LCA5L: variants seen among roughly 807,000 people sequenced by gnomAD.
LCA5L encodes the protein lebercilin-like protein.
Under a neutral mutation model 45.4 loss-of-function variants are expected in LCA5L, and 35 were observed. That is an observed-to-expected ratio of 0.77 (90% CI 0.59 to 1.02). The LOEUF (loss-of-function observed/expected upper bound fraction) is 1.02. LCA5L is among the 50% of genes least tolerant of loss of function. The probability of loss-of-function intolerance (pLI) is 0.00; values close to 1 mark genes in which losing one functional copy is unlikely to be tolerated. For missense variants in LCA5L, 668 were observed against 761.6 expected, an observed-to-expected ratio of 0.88 and a Z score of 1.45; for synonymous variants, 233 against 264.7, an observed-to-expected ratio of 0.88 and a Z score of 1.16.
At chr21:39,427,519 G>A (rs2074948662) in intron 5 of LCA5L, among the ~76,000 whole-genome samples, 3 of 151,970 alleles carry the variant, frequency 2.0e-5, no homozygotes, top group Non-Finnish European at 2.9e-5. Context: ...AAAATTAGCC[G>A]GGCGTGGTGG....
At chr21:39,417,774 A>ATTTTTTTTTTTTT (rs960729340) in intron 7 of LCA5L, among the ~76,000 whole-genome samples, 1 of 150,644 alleles carries the variant, frequency 6.6e-6, no homozygotes, top group South Asian at 2.1e-4. Flanking sequence ...TTAATTTTTA[A>ATTTTTTTTTTTTT]TTTTTTTTTG....
At chr21:39,435,176 C>G (rs1212662733) in intron 3 of LCA5L, among the ~76,000 whole-genome samples, 3 of 152,158 alleles carry the variant, frequency 2.0e-5, no homozygotes, top group Non-Finnish European at 4.4e-5. Context: ...TGGAAAAAAT[C>G]TGATCTGGTT....
At chr21:39,412,958 G>C (rs977235722) in intron 7 of LCA5L, among the ~76,000 whole-genome samples, 20 of 152,226 alleles carry the variant, frequency 1.3e-4, no homozygotes, top group Non-Finnish European at 1.5e-4. Context: ...TAAGGTTACA[G>C]ATCCAGGTGC....
At chr21:39,437,923 G>A (rs1320065533) in intron 2 of LCA5L, among the ~76,000 whole-genome samples, 1 of 151,990 alleles carries the variant, frequency 6.6e-6, no homozygotes, top group Non-Finnish European at 1.5e-5. Flanking sequence ...ATATCAAAAG[G>A]ACACAGATTA....
rs1464601997 is a variant in LCA5L at position 39,414,732 on chromosome 21, C to CTGTG, written c.976-2931_976-2930insCACA. Reference sequence around the variant, plus strand: ...TCTCTCCCTCTCTCTCTCTCTCTCTCTCTCTCTCTCTGTGTGTGTGTGTGT... The same window carrying CTGTG: ...TCTCTCCCTCTCTCTCTCTCTCTCTCTGTGTCTCTCTCTCTGTGTGTGTGTGTGT... On this transcript the variant is annotated intron_variant, in intron 7 of 10. Transcript: ENST00000288350. Among the ~76,000 whole-genome samples, 13 of 110,392 alleles carry CTGTG rather than the reference C, an allele frequency of 1.2e-4. 1 individual carries two copies. The highest frequency in any genetic ancestry group is 2.0e-4 in the African/African-American group (5 of 25,494). 72.4% of individuals were successfully genotyped at this position (110,392 alleles called of 152,430 possible).
chr21:39,407,115 T>A (rs777937935), intron 10 of LCA5L, among the ~76,000 whole-genome samples: 1 of 152,100 alleles, frequency 6.6e-6, no homozygotes, highest in Non-Finnish European at 1.5e-5. Context: ...TAGTCTTGGC[T>A]ACTCAGGAGG....
chr21:39,420,165 T>C (rs996115594), intron 7 of LCA5L, among the ~76,000 whole-genome samples: 3 of 152,174 alleles, frequency 2.0e-5, no homozygotes, highest in Non-Finnish European at 2.9e-5. Flanking sequence ...ATTCTAATAA[T>C]TGCAGATCCT....
At chr21:39,427,081 G>C (rs1367722807) in intron 5 of LCA5L, among the ~76,000 whole-genome samples, 1 of 152,226 alleles carries the variant, frequency 6.6e-6, no homozygotes, top group East Asian at 1.9e-4. Context: ...GACACAGCTG[G>C]TAACAGCAGA....
chr21:39,436,670 G>T (rs903487436), intron 2 of LCA5L, among the ~76,000 whole-genome samples: 9 of 151,998 alleles, frequency 5.9e-5, no homozygotes, highest in Admixed American at 5.9e-4. Context: ...TTGCAGAGAC[G>T]GGATTTTACT....
chr21:39,424,106 G>A (rs555110130), intron 5 of LCA5L, among the ~76,000 whole-genome samples: 7 of 152,064 alleles, frequency 4.6e-5, no homozygotes, highest in South Asian at 2.1e-4. Context: ...TCTGCATCCC[G>A]GGTTCAAGCG....
chr21:39,411,497 G>A (rs1320462760), intron 8 of LCA5L, among the ~76,000 whole-genome samples: 1 of 152,158 alleles, frequency 6.6e-6, no homozygotes, highest in Admixed American at 6.6e-5. Context: ...CTGAAGAAAG[G>A]ACATAAAGGG....
Position 39,406,075 on chromosome 21 carries a change from T to C in LCA5L, c.1820A>G (p.Tyr607Cys). The change falls in exon 11 of 11, where the codon TAT becomes TGT. Residue 607 changes from tyrosine to cysteine, a missense_variant. Physicochemically the swap from Tyr to Cys is radical, Grantham distance 194 (BLOSUM62 -2). Transcript: ENST00000288350. ...ACTTGATTGGTCAGTTTTCAAGACA[T>C]AGCCTGATCCAAAGAGTTCTTCCAT... ...SLMEELFGSG[Y>C]VLKTDQSSPG... The C allele has an allele frequency of 1.2e-6, 2 of 1,614,188 alleles. No homozygotes were observed. The highest frequency in any genetic ancestry group is 1.7e-6 in the Non-Finnish European group (2 of 1,180,024).
At position 39,443,242 on chromosome 21, in the gene LCA5L, A is replaced by T. The variant is rs574938178; in HGVS notation, c.-246+893T>A. Among the ~76,000 whole-genome samples, 68 of 152,310 alleles carry T rather than the reference A, an allele frequency of 4.5e-4. No individual in the cohort carries two copies. The Middle Eastern group carries it at 0.024, about 53-fold the overall frequency. The stretch of plus-strand genomic sequence containing the variant: ...GTTTGCCTGTCGAAAGGGATAAGGG[A>T]TTGGACAATAACTGGAAACTGAAGG... On this transcript the variant is annotated intron_variant, in intron 2 of 10. Transcript: ENST00000288350.
intron 1 of LCA5L, 82 bp downstream of exon 1, chr21:39,445,643 A>T (rs1014722347): frequency 6.6e-6 from 1 of 152,630 alleles, no homozygotes; most frequent in Non-Finnish European, 1.5e-5. Context: ...AGAGCGTAGC[A>T]GGAGGGTCCG....
intron 5 of LCA5L, chr21:39,427,838 T>G (rs543452086): frequency 5.9e-6 from 1 of 168,966 alleles, no homozygotes; most frequent in South Asian, 1.8e-4. Context: ...ATTCTTCAGC[T>G]GAGATGAAAG....
In LCA5L at chr21:39,432,494, ATTCT is replaced by A. The variant is rs145176207; in HGVS notation, c.-92+2922_-92+2925del. Among the ~76,000 whole-genome samples, 434 of 152,330 alleles carry A rather than the reference ATTCT, an allele frequency of 2.8e-3. 4 individuals are homozygous for A. The highest frequency in any genetic ancestry group is 9.8e-3 in the African/African-American group (409 of 41,576). On this transcript the variant is annotated intron_variant, in intron 3 of 10. Coordinates refer to ENST00000288350, the MANE Select transcript of LCA5L (RefSeq NM_152505.4). Reference sequence around the variant, plus strand: ...CTGATTCCTAAGCCTTTGGGATACAATTCTTTATTTTTAACCCTCTTTTATTGAG... The same window carrying A: ...CTGATTCCTAAGCCTTTGGGATACAATTATTTTTAACCCTCTTTTATTGAG...
chr21:39,418,055 C>CATGCCTGGCCAGAAATGGTTTTTTAATG (rs1569086130), intron 7 of LCA5L, among the ~76,000 whole-genome samples: 3 of 152,304 alleles, frequency 2.0e-5, no homozygotes, highest in East Asian at 3.9e-4. Context: ...CGTGAGCCAC[C>CATGCCTGGCCAGAAATGGTTTTTTAATG]GCGCCCAGCG....
intron 6 of LCA5L, chr21:39,422,649 C>T: frequency 2.4e-6 from 1 of 408,958 alleles, no homozygotes. Context: ...TAACACAATG[C>T]AATCTTTTCA....
At chr21:39,415,591 C>A (rs2040989137) in intron 7 of LCA5L, among the ~76,000 whole-genome samples, 1 of 152,174 alleles carries the variant, frequency 6.6e-6, no homozygotes, top group South Asian at 2.1e-4. Flanking sequence ...CATTCCACTT[C>A]CCCCAATCAA....
Sources: gnomAD v4.1 joint callset for allele counts (sites outside exome capture counted in the v4.1 genomes callset) on GRCh38, gnomAD v4.1.1 for gene constraint, MANE v1.5 for transcripts, NCBI Gene and HGNC (gene_info 2026-07-23, HGNC 2026-07-21) for gene names.